The following MYH13 variants were observed in gnomAD, a reference collection of about 807,000 sequenced individuals.
MYH13 encodes the protein myosin-13.
Under a neutral mutation model 232.1 loss-of-function variants are expected in MYH13, and 177 were observed. The ratio of observed to expected loss-of-function variants is 0.76; its 90% CI spans 0.67 to 0.86. The LOEUF (loss-of-function observed/expected upper bound fraction) is 0.86, where lower values mean the gene tolerates loss of function less well. Ranked by LOEUF, MYH13 falls within the 40% of genes least tolerant of loss-of-function variation. The pLI is 0.00. For synonymous variants in MYH13, 884 were observed against 923.5 expected, an observed-to-expected ratio of 0.96 and a Z score of 0.78; for missense variants, 2,246 against 2,405.9, an observed-to-expected ratio of 0.93 and a Z score of 1.39.
chr17:10,330,065 C>T (rs986768231), intron 21 of MYH13, among the ~76,000 whole-genome samples: 1 of 152,036 alleles, frequency 6.6e-6, no homozygotes, highest in African/African-American at 2.4e-5. Flanking sequence ...CAACTCCAAC[C>T]CCCTAATCAG....
chr17:10,325,554 C>T (rs2142239614), intron 22 of MYH13, among the ~76,000 whole-genome samples: 1 of 152,258 alleles, frequency 6.6e-6, no homozygotes, highest in South Asian at 2.1e-4. Context: ...TTAAAAACAC[C>T]CAAGAATTCG....
chr17:10,346,916 C>A, intron 12 of MYH13, 118 bp from the exon 13 acceptor site: 1 of 720,090 alleles, frequency 1.4e-6, no homozygotes, highest in Non-Finnish European at 2.3e-6. Context: ...TTCATGTTGT[C>A]ATATCTGTAC....
chr17:10,307,150 A>T, intron 35 of MYH13, 86 bp from the exon 36 acceptor site: 4 of 1,520,592 alleles, frequency 2.6e-6, no homozygotes, highest in Non-Finnish European at 3.6e-6. Flanking sequence ...GAGGGAAGTA[A>T]ATTGTGATCC....
At chr17:10,323,426 C>T (rs1241157882) in intron 23 of MYH13, among the ~76,000 whole-genome samples, 1 of 152,014 alleles carries the variant, frequency 6.6e-6, no homozygotes, top group Non-Finnish European at 1.5e-5. Context: ...AGTCCTTCCT[C>T]TCAAAGAAAT....
intron 18 of MYH13, among the ~76,000 whole-genome samples, chr17:10,338,701 T>TTG (rs1555550855): frequency 0.036 from 4,542 of 127,840 alleles, 223 homozygotes; most frequent in African/African-American, 0.12. Flanking sequence ...TTTTTTTTTT[T>TTG]TTTTGTTTGT....
At chr17:10,305,233 C>T (rs141823043) in intron 37 of MYH13, among the ~76,000 whole-genome samples, 103 of 152,276 alleles carry the variant, frequency 6.8e-4, no homozygotes, top group Non-Finnish European at 1.1e-3. Flanking sequence ...GAGGGCTCCC[C>T]GCCAACCCAG....
chr17:10,340,150 C>A lies in MYH13; in HGVS notation c.2056G>T (p.Gly686Cys), dbSNP rs1249504311. ...CTTGGCAAGATCTGCTGGTACTCAC[C>A]AGGAGTCTTGGTCTCATTGGGAATC... Reference protein sequence around the residue: ...CLIPNETKTPGVMDHYLVMHQ... With the variant: ...CLIPNETKTPCVMDHYLVMHQ... Residue 686 changes from glycine to cysteine, a missense_variant and splice_region_variant, in exon 18 of 41, where the codon GGT (glycine) becomes TGT (cysteine). Gly to Cys is a radical substitution (Grantham distance 159, BLOSUM62 -3). Coordinates refer to ENST00000252172, the MANE Select transcript of MYH13 (RefSeq NM_003802.3). 4 of 1,612,440 alleles carry A rather than the reference C, an allele frequency of 2.5e-6. No homozygotes were observed. The highest frequency in any genetic ancestry group is 3.4e-6 in the Non-Finnish European group (4 of 1,178,866).
Position 10,364,366 on chromosome 17 carries a change from C to G in MYH13, c.165G>C (p.Arg55Ser). The G allele has an allele frequency of 6.2e-7, 1 of 1,613,924 alleles. No homozygotes were observed. Among genetic ancestry groups the G allele is most frequent in the Non-Finnish European group, 8.5e-7 (1 of 1,179,856 alleles). The change falls in exon 3 of 41, where the codon AGG becomes AGC. Residue 55 changes from arginine to serine, a missense_variant. Arg to Ser is a moderately radical substitution (Grantham distance 110). Coordinates refer to ENST00000252172, the MANE Select transcript of MYH13 (RefSeq NM_003802.3). The stretch of plus-strand genomic sequence containing the variant: ...TCTTGACTATGACTTTGTCATTTTC[C>G]CTAGTCTGGATCATGCCTTTCACAT... ...EMYVKGMIQT[R>S]ENDKVIVKTL...
chr17:10,312,214 T>A, intron 31 of MYH13, 138 bp from the exon 32 acceptor site: 1 of 960,654 alleles, frequency 1.0e-6, no homozygotes, highest in East Asian at 2.6e-5. Context: ...GGAGCACTGT[T>A]CTAGATCAGG....
At chr17:10,321,739 GA>G in intron 23 of MYH13, 31 bp from the exon 24 acceptor site, 1 of 1,572,786 alleles carries the variant, frequency 6.4e-7, no homozygotes, top group South Asian at 1.2e-5. Flanking sequence ...ATTTAATATG[GA>G]AACGATTATG....
At chr17:10,355,036 G>A in intron 9 of MYH13, 43 bp from the exon 10 acceptor site, 1 of 1,609,910 alleles carries the variant, frequency 6.2e-7, no homozygotes, top group South Asian at 1.1e-5. Context: ...CCCAAGAGAT[G>A]CTTTTGTGGC....
At chr17:10,314,111 C>G (rs946925406) in intron 29 of MYH13, among the ~76,000 whole-genome samples, 1 of 152,192 alleles carries the variant, frequency 6.6e-6, no homozygotes, top group African/African-American at 2.4e-5. Context: ...GTAATTTGTA[C>G]ATTTTCATCT....
rs1484515485 is a variant in MYH13, at chr17:10,364,561, C to G, written c.-12-19G>C. 7.7e-6 allele frequency: 12 copies of G among 1,557,656 alleles called. No individual in the cohort carries two copies. The highest frequency in any genetic ancestry group is 1.0e-5 in the Non-Finnish European group (12 of 1,147,834). ...CAGAGGGCTGGGAAGACCAGAGGGACTGCTGAGTCTTGTGCTTGGGTGACT... is the reference window on the plus strand; with the variant it reads ...CAGAGGGCTGGGAAGACCAGAGGGAGTGCTGAGTCTTGTGCTTGGGTGACT... On this transcript the variant is annotated intron_variant, in intron 2 of 40. Coordinates refer to ENST00000252172, the MANE Select transcript of MYH13 (RefSeq NM_003802.3).
At chr17:10,327,754 C>A in intron 22 of MYH13, 112 bp downstream of exon 22, 1 of 1,369,970 alleles carries the variant, frequency 7.3e-7, no homozygotes. Context: ...CACATGACCA[C>A]TGGGTGGCAC....
Position 10,337,263 on chromosome 17 carries a change from C to T in MYH13, c.2056+2887G>A, listed in dbSNP as rs2071582480. ...TTCTGGTCTGTTGGCCTCACCATCC[C>T]TTAACAATAATAAAACCTACATTTA... On this transcript the variant is annotated intron_variant, in intron 18 of 40. Coordinates refer to ENST00000252172, the MANE Select transcript of MYH13 (RefSeq NM_003802.3). Among the ~76,000 whole-genome samples, 2 of 152,160 alleles carry T rather than the reference C, an allele frequency of 1.3e-5. 1 individual carries two copies. The highest frequency in any genetic ancestry group is 4.8e-5 in the African/African-American group (2 of 41,454).
intron 35 of MYH13, among the ~76,000 whole-genome samples, chr17:10,307,660 A>G (rs1906337750): frequency 6.6e-6 from 1 of 152,222 alleles, no homozygotes; most frequent in South Asian, 2.1e-4. Context: ...AAATTGGTGA[A>G]GATTTTTAAA....
At chr17:10,349,225 C>T (rs1457945494) in intron 12 of MYH13, among the ~76,000 whole-genome samples, 1 of 152,094 alleles carries the variant, frequency 6.6e-6, no homozygotes, top group East Asian at 1.9e-4. Flanking sequence ...GCCTCAGTCT[C>T]CCGAGTAGCT....
intron 2 of MYH13, among the ~76,000 whole-genome samples, chr17:10,365,706 T>G (rs1035501440): frequency 6.6e-6 from 1 of 152,152 alleles, no homozygotes; most frequent in Non-Finnish European, 1.5e-5. Flanking sequence ...CCCAGGTAAT[T>G]TCTATGCATA....
Position 10,303,249 on chromosome 17 carries a change from C to T in MYH13, c.5614G>A (p.Val1872Met). ...TTCACTTTGGCCTGCAGCTTGTCCA[C>T]CAGGTCCTGGAGCCTAAGGATATTC... ...HKNILRLQDL[V>M]DKLQAKVKSY... The change falls in exon 39 of 41, where the codon GTG becomes ATG. Residue 1872 changes from valine to methionine, a missense_variant. By Grantham distance (21) the Val-to-Met change is conservative. Coordinates refer to ENST00000252172, the MANE Select transcript of MYH13 (RefSeq NM_003802.3). 1.2e-6 allele frequency: 2 copies of T among 1,613,674 alleles called. No homozygotes were observed. The highest frequency in any genetic ancestry group is 8.5e-7 in the Non-Finnish European group (1 of 1,179,816).
Sources: gnomAD v4.1 joint callset for allele counts (sites outside exome capture counted in the v4.1 genomes callset) on GRCh38, gnomAD v4.1.1 for gene constraint, MANE v1.5 for transcripts, NCBI Gene and HGNC (gene_info 2026-07-23, HGNC 2026-07-21) for gene names.